TSC22D1: variants seen among roughly 807,000 people sequenced by gnomAD.
The protein encoded by TSC22D1 is TSC22 domain family member 1, also known as TSC22 domain family protein 1.
TSC22D1 carries 9 observed loss-of-function variants against 74.2 expected under a neutral mutation model. The observed-to-expected ratio is 0.12, with a 90% CI of 0.07 to 0.21. The LOEUF (loss-of-function observed/expected upper bound fraction) is 0.21, where lower values mean the gene tolerates loss of function less well. Ranked by LOEUF, TSC22D1 falls within the 10% of genes least tolerant of loss-of-function variation. TSC22D1 has a pLI of 1.00. For synonymous variants in TSC22D1, 586 were observed against 492.5 expected (o/e 1.19, Z -2.51); for missense variants, 1,427 against 1,304.7 (o/e 1.09, Z -1.44).
At chr13:44,553,520 C>G (rs1333555162) in intron 1 of TSC22D1, among the ~76,000 whole-genome samples, 1 of 152,074 alleles carries the variant, frequency 6.6e-6, no homozygotes, top group Non-Finnish European at 1.5e-5. Flanking sequence ...GTTTTCGGGC[C>G]CATATGGGAC....
chr13:44,481,113 G>C (rs1233552374), intron 1 of TSC22D1, among the ~76,000 whole-genome samples: 4 of 152,206 alleles, frequency 2.6e-5, no homozygotes, highest in Non-Finnish European at 5.9e-5. Flanking sequence ...AGGAGAACCA[G>C]AAGAGACTGG....
intron 1 of TSC22D1, among the ~76,000 whole-genome samples, chr13:44,448,458 T>C (rs926927308): frequency 6.6e-6 from 1 of 152,162 alleles, no homozygotes; most frequent in Non-Finnish European, 1.5e-5. Flanking sequence ...AATTACACAG[T>C]TGTATTTACA....
chr13:44,567,428 C>G (rs1190548092), intron 1 of TSC22D1, among the ~76,000 whole-genome samples: 1 of 151,100 alleles, frequency 6.6e-6, no homozygotes, highest in Non-Finnish European at 1.5e-5. Flanking sequence ...TGAGGAAAGG[C>G]TATAAGATGA....
At chr13:44,495,642 G>A (rs903300370) in intron 1 of TSC22D1, among the ~76,000 whole-genome samples, 1 of 151,828 alleles carries the variant, frequency 6.6e-6, no homozygotes, top group Non-Finnish European at 1.5e-5. Context: ...GTAATTTGTA[G>A]CAACAACATA....
chr13:44,453,235 T>C (rs1876298631), intron 1 of TSC22D1, among the ~76,000 whole-genome samples: 1 of 152,210 alleles, frequency 6.6e-6, no homozygotes, highest in Admixed American at 6.5e-5. Context: ...ATAAGGATTT[T>C]GTTTCAATGC....
intron 1 of TSC22D1, among the ~76,000 whole-genome samples, chr13:44,563,692 T>G (rs1200435021): frequency 6.6e-6 from 1 of 152,204 alleles, no homozygotes; most frequent in Non-Finnish European, 1.5e-5. Flanking sequence ...TAACACTGCT[T>G]TTCTGACCTA....
chr13:44,457,403 T>C (rs878986009), intron 1 of TSC22D1, among the ~76,000 whole-genome samples: 7 of 152,102 alleles, frequency 4.6e-5, no homozygotes, highest in Admixed American at 4.6e-4. Context: ...CTTTTAAATA[T>C]TGAGAAGCCA....
At chr13:44,524,086 A>G (rs1880440138) in intron 1 of TSC22D1, among the ~76,000 whole-genome samples, 1 of 152,232 alleles carries the variant, frequency 6.6e-6, no homozygotes, top group Non-Finnish European at 1.5e-5. Context: ...GAAACTTAGT[A>G]GATCCTCAAT....
At chr13:44,459,428 T>G (rs1454055892) in intron 1 of TSC22D1, among the ~76,000 whole-genome samples, 2 of 152,128 alleles carry the variant, frequency 1.3e-5, no homozygotes, top group Admixed American at 6.5e-5. Flanking sequence ...GCCACCCACT[T>G]TGGGTCTCCT....
At chr13:44,448,892 C>CGTGT (rs4053650) in intron 1 of TSC22D1, among the ~76,000 whole-genome samples, 49,827 of 149,984 alleles carry the variant, frequency 0.33, 8,714 homozygotes, top group Non-Finnish European at 0.4. Flanking sequence ...ATTCTAGATC[C>CGTGT]GTGTGTGTGT....
Position 44,553,589 on chromosome 13 carries a change from T to C in TSC22D1, c.2912+19574A>G, listed in dbSNP as rs200456049. ...GCCCATCTAAAACAATCTTTCAGAATGAAAAAGTTGAGAATCACTTAATTG... is the reference window on the plus strand; with the variant it reads ...GCCCATCTAAAACAATCTTTCAGAACGAAAAAGTTGAGAATCACTTAATTG... On this transcript the variant is annotated intron_variant, in intron 1 of 2. Coordinates refer to ENST00000458659, the MANE Select transcript of TSC22D1 (RefSeq NM_183422.4). Among the ~76,000 whole-genome samples, 11 of 152,210 alleles carry C rather than the reference T, an allele frequency of 7.2e-5. No individual in the cohort carries two copies. In the East Asian group the frequency reaches 2.1e-3, roughly 29 times the overall value.
intron 1 of TSC22D1, among the ~76,000 whole-genome samples, chr13:44,522,838 T>G (rs562613915): frequency 6.6e-6 from 1 of 152,004 alleles, no homozygotes; most frequent in African/African-American, 2.4e-5. Flanking sequence ...TCATTAAAAT[T>G]GAAAATTTTT....
rs1363061442 is a variant in TSC22D1 at position 44,433,310 on chromosome 13, A to C, written c.*1316T>G. The C allele has an allele frequency of 6.6e-6, 1 of 152,320 alleles. No homozygotes were observed. The highest frequency in any genetic ancestry group is 1.5e-5 in the Non-Finnish European group (1 of 68,130). The allele number at this position is 152,320 out of a possible 1,614,324, so 9.4% of individuals were successfully genotyped here. Reference sequence around the variant, plus strand: ...CTGTCCAAGTCACACAGTAGTTAGAATTGAGCTGGACTCCTCCACTGTCTC... The same window carrying C: ...CTGTCCAAGTCACACAGTAGTTAGACTTGAGCTGGACTCCTCCACTGTCTC... On this transcript the variant is annotated 3_prime_UTR_variant, in exon 3 of 3. Transcript: ENST00000458659.
intron 1 of TSC22D1, among the ~76,000 whole-genome samples, chr13:44,439,779 G>A (rs1238714325): frequency 2.0e-5 from 3 of 152,218 alleles, no homozygotes; most frequent in African/African-American, 7.2e-5. Context: ...AACTGCTACT[G>A]CATATTGGTA....
chr13:44,485,650 G>T (rs60434078), intron 1 of TSC22D1, among the ~76,000 whole-genome samples: 78 of 152,076 alleles, frequency 5.1e-4, no homozygotes, highest in African/African-American at 1.9e-3. Context: ...ACCACCATTT[G>T]ACATTCACTA....
At chr13:44,566,397 A>C (rs1883376269) in intron 1 of TSC22D1, among the ~76,000 whole-genome samples, 1 of 152,210 alleles carries the variant, frequency 6.6e-6, no homozygotes, top group African/African-American at 2.4e-5. Flanking sequence ...TGAGTGGTTA[A>C]ATATGGTAGA....
At chr13:44,485,852 A>T (rs1878406276) in intron 1 of TSC22D1, among the ~76,000 whole-genome samples, 1 of 152,116 alleles carries the variant, frequency 6.6e-6, no homozygotes, top group Admixed American at 6.5e-5. Context: ...AGTATCAAAT[A>T]AATTGTAGGT....
At chr13:44,469,093 C>A (rs376877255) in intron 1 of TSC22D1, among the ~76,000 whole-genome samples, 1 of 152,154 alleles carries the variant, frequency 6.6e-6, no homozygotes, top group Non-Finnish European at 1.5e-5. Flanking sequence ...ATGCACCCTG[C>A]GCTTTCAGGC....
chr13:44,436,774 C>T, intron 1 of TSC22D1: 2 of 1,465,944 alleles, frequency 1.4e-6, no homozygotes, highest in Non-Finnish European at 1.8e-6. Context: ...GCTTCTAGGG[C>T]TTGATGATCC....
Sources: allele counts gnomAD v4.1 joint callset (sites outside exome capture counted in the v4.1 genomes callset), GRCh38; gene constraint gnomAD v4.1.1; transcripts MANE v1.5; gene names NCBI Gene and HGNC (gene_info 2026-07-23, HGNC 2026-07-21).